ZNF333: variants seen among roughly 807,000 people sequenced by gnomAD.
ZNF333 encodes zinc finger protein 333.
In ZNF333, 61 loss-of-function variants were observed where a neutral mutation model predicts 76.1. The observed-to-expected ratio is 0.80, with a 90% CI of 0.65 to 0.99. The LOEUF (loss-of-function observed/expected upper bound fraction) is 0.99, where lower values mean the gene tolerates loss of function less well. Ranked by LOEUF, ZNF333 falls within the 50% of genes least tolerant of loss-of-function variation. ZNF333 has a pLI of 0.00. For synonymous variants in ZNF333, 284 were observed against 305.0 expected, an observed-to-expected ratio of 0.93 and a Z score of 0.72; for missense variants, 717 against 822.4, an observed-to-expected ratio of 0.87 and a Z score of 1.57.
intron 11 of ZNF333, among the ~76,000 whole-genome samples, chr19:14,727,950 C>T (rs12610973): frequency 0.32 from 49,028 of 151,818 alleles, 8,253 homozygotes; most frequent in Middle Eastern, 0.48. Flanking sequence ...TGGCCAGGTG[C>T]GGTGGCTCAC....
In ZNF333 at chr19:14,696,475, G is replaced by A. The variant is rs555109680; in HGVS notation, c.223+814G>A. ...GTATCCGGCTTAGTATAATAGTTTT[G>A]TGTTGCAAGTAAGTTAGACTGGGTA... On this transcript the variant is annotated intron_variant, in intron 4 of 11. Coordinates refer to ENST00000292530, the MANE Select transcript of ZNF333 (RefSeq NM_032433.4). Among the ~76,000 whole-genome samples, 11 of 152,186 alleles carry A rather than the reference G, an allele frequency of 7.2e-5. 1 individual carries two copies. In the South Asian group the frequency reaches 2.1e-3, roughly 29 times the overall value.
chr19:14,717,442 A>G lies in ZNF333; in HGVS notation c.824-215A>G, dbSNP rs140824415. ...GTAAATTACCTACTATTTCCTTCCC[A>G]TGTTCCTCTGATTACATAACTTCTC... On this transcript the variant is annotated intron_variant, in intron 10 of 11. Coordinates refer to ENST00000292530, the MANE Select transcript of ZNF333 (RefSeq NM_032433.4). 598 of 566,204 alleles carry G rather than the reference A, an allele frequency of 1.1e-3. 2 individuals are homozygous for G. The highest frequency in any genetic ancestry group is 9.9e-3 in the African/African-American group (526 of 53,286). The allele number at this position is 566,204 out of a possible 1,614,324, so 35.1% of individuals were successfully genotyped here.
intron 4 of ZNF333, among the ~76,000 whole-genome samples, chr19:14,698,249 C>T (rs1247503232): frequency 1.3e-5 from 2 of 151,882 alleles, no homozygotes; most frequent in East Asian, 3.9e-4. Flanking sequence ...TGGTGCGCGC[C>T]TGTAATCCCA....
Position 14,720,364 on chromosome 19 carries a change from G to T in ZNF333, c.*1039G>T. 1 of 985,352 alleles carries T rather than the reference G, an allele frequency of 1.0e-6. No individual in the cohort carries two copies. Among genetic ancestry groups the T allele is most frequent in the Non-Finnish European group, 1.2e-6 (1 of 829,940 alleles). 61.0% of individuals were successfully genotyped at this position (985,352 alleles called of 1,614,324 possible). On this transcript the variant is annotated 3_prime_UTR_variant, in exon 12 of 12. Coordinates refer to ENST00000292530, the MANE Select transcript of ZNF333 (RefSeq NM_032433.4). Reference sequence around the variant, plus strand: ...CACATCTCTCCACTTCTTGCCTTTTGGACAAGTAGACATGATTTCTAGACC... The same window carrying T: ...CACATCTCTCCACTTCTTGCCTTTTTGACAAGTAGACATGATTTCTAGACC...
chr19:14,726,173 C>T (rs1332985512), downstream of ZNF333, among the ~76,000 whole-genome samples: 7 of 152,212 alleles, frequency 4.6e-5, no homozygotes, highest in Non-Finnish European at 1.0e-4. Context: ...CAAGCTATAC[C>T]TGGGCCCCTT....
chr19:14,706,570 T>G, intron 6 of ZNF333, 116 bp from the exon 7 acceptor site: 1 of 809,810 alleles, frequency 1.2e-6, no homozygotes, highest in Non-Finnish European at 2.1e-6. Context: ...CTCTCTTCTT[T>G]TATTAATATG....
intron 1 of ZNF333, among the ~76,000 whole-genome samples, chr19:14,691,674 G>GTTTT (rs1568516298): frequency 1.0e-5 from 1 of 97,520 alleles, no homozygotes; most frequent in African/African-American, 4.6e-5. Context: ...GTGTCATATT[G>GTTTT]TCTTTTTTTT....
chr19:14,708,516 G>A (rs1312767808), intron 7 of ZNF333: 3 of 394,328 alleles, frequency 7.6e-6, no homozygotes, highest in East Asian at 7.3e-5. Flanking sequence ...TTCTGGGAAA[G>A]GATGGATATT....
intron 11 of ZNF333, among the ~76,000 whole-genome samples, chr19:14,726,957 G>A (rs73508067): frequency 0.025 from 3,736 of 149,646 alleles, 150 homozygotes; most frequent in African/African-American, 0.088. Context: ...GAAATTTTCT[G>A]TATTAGCCTG....
intron 4 of ZNF333, among the ~76,000 whole-genome samples, chr19:14,696,189 A>G (rs1025026028): frequency 2.0e-5 from 3 of 152,198 alleles, no homozygotes; most frequent in Non-Finnish European, 4.4e-5. Context: ...AAAACAAAGC[A>G]AAAATTAGAG....
intron 11 of ZNF333, chr19:14,731,094 TC>T (rs1568568256): frequency 5.6e-6 from 6 of 1,076,360 alleles, no homozygotes; most frequent in East Asian, 2.7e-5. Flanking sequence ...TCCTGCCCCC[TC>T]CCCCCAAGGA....
intron 7 of ZNF333, among the ~76,000 whole-genome samples, chr19:14,710,178 C>A (rs1186678973): frequency 6.6e-6 from 1 of 152,202 alleles, no homozygotes; most frequent in Non-Finnish European, 1.5e-5. Flanking sequence ...AGAACCTTGG[C>A]CCATGTTCTA....
intron 11 of ZNF333, among the ~76,000 whole-genome samples, chr19:14,728,427 A>G (rs2042647491): frequency 6.6e-6 from 1 of 152,146 alleles, no homozygotes; most frequent in Admixed American, 6.5e-5. Context: ...CTCATCCCTG[A>G]GGTCTCTTCT....
downstream of ZNF333, among the ~76,000 whole-genome samples, chr19:14,723,589 A>G (rs2042615294): frequency 6.6e-6 from 1 of 152,116 alleles, no homozygotes; most frequent in Non-Finnish European, 1.5e-5. Flanking sequence ...ATTCCAAAGT[A>G]TTTTATTGTT....
chr19:14,731,423 G>A (rs1480873959), exon 12 of ZNF333: 2 of 562,622 alleles, frequency 3.6e-6, no homozygotes, highest in Non-Finnish European at 6.3e-6. Context: ...TAGGTTCCCC[G>A]CAAGGAGACT....
chr19:14,690,345 C>G (rs913911451), intron 1 of ZNF333, among the ~76,000 whole-genome samples, 195 bp downstream of exon 1: 1 of 152,174 alleles, frequency 6.6e-6, no homozygotes, highest in Admixed American at 6.5e-5. Context: ...CTCTCAGGTA[C>G]CCCCCGTCCG....
downstream of ZNF333, among the ~76,000 whole-genome samples, chr19:14,724,158 A>G (rs1241226570): frequency 1.3e-5 from 2 of 152,324 alleles, no homozygotes; most frequent in East Asian, 1.9e-4. Flanking sequence ...GCCTATCTTA[A>G]TGAGCTGACC....
At chr19:14,714,393 G>T (rs1402577036) in intron 7 of ZNF333, among the ~76,000 whole-genome samples, 1 of 152,104 alleles carries the variant, frequency 6.6e-6, no homozygotes, top group African/African-American at 2.4e-5. Flanking sequence ...GCAGACATTG[G>T]AGTGATGCAT....
chr19:14,702,491 C>T (rs1189834986), intron 5 of ZNF333, among the ~76,000 whole-genome samples: 1 of 152,196 alleles, frequency 6.6e-6, no homozygotes, highest in Non-Finnish European at 1.5e-5. Context: ...CACTGCTCTC[C>T]AGCCTGGGTG....
Sources: gnomAD v4.1 joint callset for allele counts (sites outside exome capture counted in the v4.1 genomes callset) on GRCh38, gnomAD v4.1.1 for gene constraint, MANE v1.5 for transcripts, NCBI Gene and HGNC (gene_info 2026-07-23, HGNC 2026-07-21) for gene names.